The following MAML2 variants were observed in gnomAD, a reference collection of about 807,000 sequenced individuals.
The protein encoded by MAML2 is mastermind-like protein 2.
A neutral mutation model predicts 96.1 loss-of-function variants in MAML2; 22 were observed. The observed-to-expected ratio is 0.23, with a 90% confidence interval of 0.16 to 0.33. The LOEUF is 0.33. MAML2 is among the 10% of genes least tolerant of loss of function. MAML2 has a pLI of 1.00. For synonymous variants in MAML2, 561 were observed against 521.3 expected, an observed-to-expected ratio of 1.08 and a Z score of -1.04; for missense variants, 1,367 against 1,392.4, an observed-to-expected ratio of 0.98 and a Z score of 0.29.
rs1860715950 is a variant in MAML2 at position 96,140,674 on chromosome 11, G to A, written c.514-47157C>T. On this transcript the variant is annotated intron_variant, in intron 1 of 4. Transcript: ENST00000524717. ...TAGACGTCACTCTCTCCATCGTTCA[G>A]TAGTTCCCAAAGGACCTTCCACCAC... Among the ~76,000 whole-genome samples, 3 of 152,186 alleles carry A rather than the reference G, an allele frequency of 2.0e-5. No homozygotes were observed. The South Asian group carries it at 6.2e-4, about 32-fold the overall frequency.
intron 2 of MAML2, among the ~76,000 whole-genome samples, chr11:96,070,868 A>C (rs907393646): frequency 6.6e-6 from 1 of 152,282 alleles, no homozygotes; most frequent in Non-Finnish European, 1.5e-5. Flanking sequence ...TGTTCAGTGC[A>C]GGCAGCAAAT....
At chr11:95,987,081 G>T (rs1857839499) in intron 3 of MAML2, among the ~76,000 whole-genome samples, 1 of 152,162 alleles carries the variant, frequency 6.6e-6, no homozygotes, top group Non-Finnish European at 1.5e-5. Flanking sequence ...GATTTCGGAA[G>T]AGTCTAAGGA....
chr11:95,997,902 A>G (rs1858017549), intron 2 of MAML2, among the ~76,000 whole-genome samples: 1 of 152,130 alleles, frequency 6.6e-6, no homozygotes, highest in Admixed American at 6.6e-5. Context: ...AATTATCTCA[A>G]ATCAGTAGTG....
intron 1 of MAML2, among the ~76,000 whole-genome samples, chr11:96,139,482 A>C (rs978969747): frequency 5.9e-5 from 9 of 152,042 alleles, no homozygotes; most frequent in Non-Finnish European, 1.2e-4. Context: ...GTCTTAAAAA[A>C]AAAAAAAAGA....
At chr11:96,007,168 AAT>A (rs149247384) in intron 2 of MAML2, among the ~76,000 whole-genome samples, 24,471 of 134,288 alleles carry the variant, frequency 0.18, 2,325 homozygotes, top group East Asian at 0.37. Context: ...ATGTCCAGTT[AAT>A]TTTTTTTTTT....
intron 1 of MAML2, among the ~76,000 whole-genome samples, chr11:96,322,062 A>G (rs1863710381): frequency 6.6e-6 from 1 of 152,172 alleles, no homozygotes; most frequent in South Asian, 2.1e-4. Context: ...CATGTTTACA[A>G]CGAAGTTAAA....
At chr11:96,189,812 G>C (rs1325784231) in intron 1 of MAML2, among the ~76,000 whole-genome samples, 1 of 152,148 alleles carries the variant, frequency 6.6e-6, no homozygotes, top group Non-Finnish European at 1.5e-5. Flanking sequence ...AGAGGAAATA[G>C]CTTTAAAAAC....
intron 1 of MAML2, among the ~76,000 whole-genome samples, chr11:96,256,121 G>A (rs1293168155): frequency 4.6e-5 from 7 of 151,788 alleles, no homozygotes; most frequent in East Asian, 1.9e-4. Context: ...TGATCCACCC[G>A]CCTCGGCCTC....
At chr11:96,119,078 T>G (rs1428345610) in intron 1 of MAML2, among the ~76,000 whole-genome samples, 1 of 152,146 alleles carries the variant, frequency 6.6e-6, no homozygotes, top group Non-Finnish European at 1.5e-5. Flanking sequence ...AATAGCCCTG[T>G]GAGGTGGGTC....
rs1229009064 is a variant in MAML2, at chr11:95,979,282, C to A, written c.3137G>T (p.Gly1046Val). The change falls in exon 5 of 5, where the codon GGT (glycine) becomes GTT (valine). Residue 1046 changes from glycine to valine, a missense_variant. Gly to Val is a moderately radical substitution (Grantham distance 109). Coordinates refer to ENST00000524717, the MANE Select transcript of MAML2 (RefSeq NM_032427.4). ...TAGCTGATTGGGTCTGAGATTCAGA[C>A]CCCTGAGGGGACCCATGGTTTGCCC... ...LNGQTMGPLR[G>V]LNLRPNQLST... is the part of the protein sequence containing the mutation. 13 of 1,613,806 alleles carry A rather than the reference C, an allele frequency of 8.1e-6. No individual in the cohort carries two copies. The African/African-American group carries it at 9.3e-5, about 12-fold the overall frequency.
chr11:96,341,555 G>A lies in MAML2; in HGVS notation c.341C>T (p.Ala114Val), dbSNP rs199840764. Residue 114 changes from alanine (A) to valine (V), a missense_variant, in exon 1 of 5, where the codon GCG (alanine) becomes GTG (valine). Coordinates refer to ENST00000524717, the MANE Select transcript of MAML2 (RefSeq NM_032427.4). ...TGCTGTTGCTGCTGCTTGGGAGGCC[G>A]CAGGAGGGGCAGCAGGGGGCGGTGG... The part of the protein sequence containing the change: ...APPPPPAAPP[A>V]ASQAAATAAP... 729 of 1,550,890 alleles carry A rather than the reference G, an allele frequency of 4.7e-4. 2 individuals carry two copies. Among genetic ancestry groups the A allele is most frequent in the Non-Finnish European group, 5.8e-4 (661 of 1,146,898 alleles).
intron 1 of MAML2, among the ~76,000 whole-genome samples, chr11:96,328,864 C>G (rs1479942968): frequency 6.6e-6 from 1 of 152,110 alleles, no homozygotes; most frequent in African/African-American, 2.4e-5. Flanking sequence ...TTCCCCTCCC[C>G]CAGGGCAATT....
chr11:96,260,499 T>A (rs1220441996), intron 1 of MAML2, among the ~76,000 whole-genome samples: 1 of 152,186 alleles, frequency 6.6e-6, no homozygotes, highest in Non-Finnish European at 1.5e-5. Flanking sequence ...GGACATCTGA[T>A]AGGAGAGGGG....
rs73523587 is a variant in MAML2, at chr11:96,104,345, G to A, written c.514-10828C>T. On this transcript the variant is annotated intron_variant, in intron 1 of 4. Coordinates refer to ENST00000524717, the MANE Select transcript of MAML2 (RefSeq NM_032427.4). ...ACGTCGAGATGCCGAAGTACTTTCC[G>A]ATGGTGGCATGATGATAAATTTTTC... Among the ~76,000 whole-genome samples the A allele has an allele frequency of 7.4e-3, 1,121 of 152,300 alleles. 20 individuals are homozygous for A. The highest frequency in any genetic ancestry group is 0.025 in the African/African-American group (1,030 of 41,560).
At chr11:96,250,670 C>T (rs1257290287) in intron 1 of MAML2, among the ~76,000 whole-genome samples, 1 of 152,176 alleles carries the variant, frequency 6.6e-6, no homozygotes, top group Non-Finnish European at 1.5e-5. Flanking sequence ...CTACTATCAC[C>T]TTCTCTTCTG....
chr11:96,195,700 C>T (rs1019671017), intron 1 of MAML2, among the ~76,000 whole-genome samples: 13 of 152,148 alleles, frequency 8.5e-5, no homozygotes, highest in Admixed American at 2.6e-4. Flanking sequence ...ATAGAATGGA[C>T]GACCTGTGTG....
At chr11:96,046,115 G>A (rs763407498) in intron 2 of MAML2, among the ~76,000 whole-genome samples, 8 of 152,070 alleles carry the variant, frequency 5.3e-5, no homozygotes, top group Non-Finnish European at 1.0e-4. Context: ...AGGAGTATGC[G>A]TCTGAGTTGG....
At chr11:96,139,078 T>C (rs1860687705) in intron 1 of MAML2, among the ~76,000 whole-genome samples, 1 of 152,190 alleles carries the variant, frequency 6.6e-6, no homozygotes, top group Non-Finnish European at 1.5e-5. Flanking sequence ...GCCAGAACCA[T>C]GTGGTAATAA....
chr11:96,003,226 G>A (rs1309819627), intron 2 of MAML2, among the ~76,000 whole-genome samples: 1 of 152,096 alleles, frequency 6.6e-6, no homozygotes, highest in African/African-American at 2.4e-5. Context: ...GGAAGATGAT[G>A]TGCATGTGTT....
Sources: gnomAD v4.1 joint callset for allele counts (sites outside exome capture counted in the v4.1 genomes callset) on GRCh38, gnomAD v4.1.1 for gene constraint, MANE v1.5 for transcripts, NCBI Gene and HGNC (gene_info 2026-07-23, HGNC 2026-07-21) for gene names.